TCF12: variants seen among roughly 807,000 people sequenced by gnomAD.
TCF12 encodes the protein DNA-binding protein HTF4.
A neutral mutation model predicts 86.0 loss-of-function variants in TCF12; 45 were observed. The observed-to-expected ratio is 0.52, with a 90% CI of 0.41 to 0.67. TCF12 has a LOEUF of 0.67. Among genes scored for constraint, TCF12 ranks in the 30% least tolerant of loss-of-function variants. The pLI is 0.00. For missense variants in TCF12, 881 were observed against 859.9 expected (o/e 1.02, Z -0.31); for synonymous variants, 330 against 299.6 (o/e 1.10, Z -1.05).
chr15:57,021,964 G>A (rs2065512967), intron 3 of TCF12, among the ~76,000 whole-genome samples: 1 of 152,202 alleles, frequency 6.6e-6, no homozygotes, highest in East Asian at 1.9e-4. Flanking sequence ...ATAATGGTAG[G>A]AAGTGTGATT....
chr15:57,261,227 A>C (rs1369837512), intron 16 of TCF12, among the ~76,000 whole-genome samples: 1 of 152,176 alleles, frequency 6.6e-6, no homozygotes, highest in African/African-American at 2.4e-5. Flanking sequence ...TGTTTCTTAA[A>C]AATAAAGATG....
intron 4 of TCF12, among the ~76,000 whole-genome samples, chr15:57,076,286 G>T (rs186814254): frequency 2.4e-3 from 365 of 152,272 alleles, no homozygotes; most frequent in Non-Finnish European, 4.4e-3. Context: ...TTATGTATTA[G>T]TTAAAATTAA....
chr15:57,225,335 G>C (rs1324448755), intron 8 of TCF12, among the ~76,000 whole-genome samples: 2 of 142,964 alleles, frequency 1.4e-5, no homozygotes, highest in African/African-American at 5.2e-5. Flanking sequence ...CGCCTCCCAG[G>C]TTCACATCAT....
At chr15:57,013,331 T>C (rs986460460) in intron 3 of TCF12, among the ~76,000 whole-genome samples, 1 of 152,130 alleles carries the variant, frequency 6.6e-6, no homozygotes, top group Non-Finnish European at 1.5e-5. Flanking sequence ...TTTCCTTTTA[T>C]ACTGAGTCTT....
chr15:57,198,063 AATTCCCCTCTTGGGAAGAGGACT>A, intron 8 of TCF12, among the ~76,000 whole-genome samples: 1 of 152,268 alleles, frequency 6.6e-6, no homozygotes, highest in South Asian at 2.1e-4. Flanking sequence ...CTGTCATTTG[AATTCCCCTCTTGGGAAGAGGACT>A]AGGCCAGTAG....
rs147927358 is a variant in TCF12, at chr15:57,107,957, A to G, written c.325+16066A>G. ...AAACATGCATTCTGAAGATCCATGA[A>G]TTTCTAAGTCAAGAATATTTTTAAA... On this transcript the variant is annotated intron_variant, in intron 5 of 20. Coordinates refer to ENST00000333725, the MANE Select transcript of TCF12 (RefSeq NM_207037.2). 2.6e-5 allele frequency among the ~76,000 whole-genome samples: 4 copies of G among 152,284 alleles called. No homozygotes were observed. The East Asian group carries it at 7.7e-4, about 29-fold the overall frequency.
chr15:57,235,182 TATA>T (rs1236636051), intron 12 of TCF12, among the ~76,000 whole-genome samples: 2 of 152,288 alleles, frequency 1.3e-5, no homozygotes, highest in East Asian at 1.9e-4. Context: ...TCTTGGATCA[TATA>T]ATAATAATAG....
At chr15:57,178,749 T>G (rs1211554752) in intron 6 of TCF12, among the ~76,000 whole-genome samples, 1 of 152,212 alleles carries the variant, frequency 6.6e-6, no homozygotes, top group African/African-American at 2.4e-5. Context: ...GAAGTAGACA[T>G]GCTTAGAGTA....
At chr15:57,005,037 A>G (rs1377686788) in intron 3 of TCF12, among the ~76,000 whole-genome samples, 2 of 152,218 alleles carry the variant, frequency 1.3e-5, no homozygotes, top group African/African-American at 4.8e-5. Context: ...GATACCAGCC[A>G]AATATTATGA....
chr15:57,049,892 A>G (rs576402628), intron 3 of TCF12, among the ~76,000 whole-genome samples: 2 of 152,172 alleles, frequency 1.3e-5, no homozygotes, highest in Middle Eastern at 3.4e-3. Flanking sequence ...TGCGCCATTA[A>G]TTATTTTGTG....
intron 4 of TCF12, among the ~76,000 whole-genome samples, chr15:57,067,954 G>C (rs1351144939): frequency 1.3e-5 from 2 of 152,136 alleles, no homozygotes; most frequent in Non-Finnish European, 2.9e-5. Context: ...TTATTGCATA[G>C]AAATGTTGGT....
chr15:57,100,863 A>G (rs1214953930), intron 5 of TCF12, among the ~76,000 whole-genome samples: 1 of 152,178 alleles, frequency 6.6e-6, no homozygotes. Flanking sequence ...GAAAGCATAT[A>G]CTGAATTGCT....
chr15:57,243,722 A>T (rs1232260171), intron 13 of TCF12, among the ~76,000 whole-genome samples, 172 bp downstream of exon 13: 1 of 152,196 alleles, frequency 6.6e-6, no homozygotes, highest in Admixed American at 6.5e-5. Context: ...AGAATATTGA[A>T]ATATTTGCTA....
At chr15:57,171,720 C>T (rs1305748891) in intron 6 of TCF12, among the ~76,000 whole-genome samples, 4 of 152,144 alleles carry the variant, frequency 2.6e-5, no homozygotes, top group African/African-American at 9.7e-5. Context: ...AAAGGAAACT[C>T]ATGTGGCAGT....
Position 57,239,180 on chromosome 15 carries a change from C to T in TCF12, c.1036-4292C>T, listed in dbSNP as rs796761215. ...CAGCCTGACCAACACGGAGAAACCC[C>T]GTCTCTACTAAAAATACAAAATTAG... On this transcript the variant is annotated intron_variant, in intron 12 of 20. Transcript: ENST00000333725. 9.2e-5 allele frequency among the ~76,000 whole-genome samples: 14 copies of T among 151,992 alleles called. 1 individual carries two copies. The highest frequency in any genetic ancestry group is 1.7e-4 in the African/African-American group (7 of 41,446).
At chr15:57,055,609 AT>A (rs112306514) in intron 3 of TCF12, among the ~76,000 whole-genome samples, 9 of 149,848 alleles carry the variant, frequency 6.0e-5, no homozygotes, top group African/African-American at 1.7e-4. Context: ...CACTTTAAAG[AT>A]TTTTTTTTTC....
At chr15:57,265,972 C>T (rs1056593526) in intron 18 of TCF12, among the ~76,000 whole-genome samples, 1 of 152,104 alleles carries the variant, frequency 6.6e-6, no homozygotes, top group Non-Finnish European at 1.5e-5. Flanking sequence ...ATGTTATGGG[C>T]TCATAACTGT....
At chr15:57,043,721 A>G (rs2067045471) in intron 3 of TCF12, among the ~76,000 whole-genome samples, 1 of 152,190 alleles carries the variant, frequency 6.6e-6, no homozygotes, top group Non-Finnish European at 1.5e-5. Flanking sequence ...TTGTGTTTGA[A>G]TTCTATGAAG....
chr15:56,938,304 G>C (rs763362858), intron 3 of TCF12, among the ~76,000 whole-genome samples: 1 of 151,994 alleles, frequency 6.6e-6, no homozygotes. Context: ...GGGATCACAG[G>C]CACGTGCCAC....
Sources: gnomAD v4.1 joint callset for allele counts (sites outside exome capture counted in the v4.1 genomes callset) on GRCh38, gnomAD v4.1.1 for gene constraint, MANE v1.5 for transcripts, NCBI Gene and HGNC (gene_info 2026-07-23, HGNC 2026-07-21) for gene names.